Variants in MKX observed in about 807,000 individuals in gnomAD.
MKX encodes homeobox protein Mohawk.
MKX carries 13 observed loss-of-function variants against 36.0 expected under a neutral mutation model. The observed-to-expected ratio is 0.36, with a 90% CI of 0.24 to 0.57. The LOEUF (loss-of-function observed/expected upper bound fraction) is 0.57, where lower values mean the gene tolerates loss of function less well. Ranked by LOEUF, MKX falls within the 20% of genes least tolerant of loss-of-function variation. The probability of loss-of-function intolerance (pLI) is 0.79; values close to 1 mark genes in which losing one functional copy is unlikely to be tolerated. For missense variants in MKX, 458 were observed against 456.4 expected (o/e 1.00, Z -0.03); for synonymous variants, 176 against 178.3 (o/e 0.99, Z 0.10).
At chr10:27,711,481 TTCTC>T (rs1439624521) in intron 5 of MKX, among the ~76,000 whole-genome samples, 2 of 17,682 alleles carry the variant, frequency 1.1e-4, no homozygotes, top group Non-Finnish European at 1.9e-4. Flanking sequence ...CTTTCTTTCT[TTCTC>T]TCTCTCTCTC....
intron 5 of MKX, among the ~76,000 whole-genome samples, chr10:27,729,642 T>C (rs1157938412): frequency 6.6e-6 from 1 of 152,076 alleles, no homozygotes; most frequent in African/African-American, 2.4e-5. Context: ...ATCTGTGATC[T>C]GTGAAAGGGA....
intron 5 of MKX, among the ~76,000 whole-genome samples, chr10:27,705,185 G>T (rs1194127387): frequency 1.3e-5 from 2 of 152,058 alleles, no homozygotes; most frequent in Non-Finnish European, 2.9e-5. Context: ...ATCCTTAGTT[G>T]AGTGCAAACA....
intron 5 of MKX, among the ~76,000 whole-genome samples, chr10:27,678,709 G>A (rs557956878): frequency 2.0e-4 from 30 of 152,324 alleles, no homozygotes; most frequent in Non-Finnish European, 1.3e-4. Flanking sequence ...GGTCCACGGA[G>A]AGCTTCTATT....
At chr10:27,686,964 A>G (rs1236606639) in intron 5 of MKX, among the ~76,000 whole-genome samples, 1 of 151,274 alleles carries the variant, frequency 6.6e-6, no homozygotes, top group African/African-American at 2.4e-5. Flanking sequence ...TAGTCCCCCC[A>G]ACTAGCTCCT....
rs1450873258 is a variant in MKX, at chr10:27,735,161, T to C, written c.502+60A>G. On this transcript the variant is annotated intron_variant, in intron 4 of 6. Transcript: ENST00000419761. ...GTGAGAGCAACCTTAAAAATAGCAA[T>C]TATGGTGAACTTGCTAATAGAGGCA... is the stretch of plus-strand genomic sequence containing the variant. 4 of 1,443,054 alleles carry C rather than the reference T, an allele frequency of 2.8e-6. No homozygotes were observed. The African/African-American group carries it at 4.3e-5, about 16-fold the overall frequency. 89.4% of individuals were successfully genotyped at this position (1,443,054 alleles called of 1,614,324 possible). A position where few individuals can be genotyped will look rare whatever the true frequency, so the allele number is the denominator to read the frequency against.
chr10:27,741,384 C>T lies in MKX; in HGVS notation c.309G>A (p.Lys103=), dbSNP rs1021474919. ...TCTGCGAGCCGAGGGCCAAGAGTAT[C>T]TTCTCGGTCTTGGTGGGGTACGGGT... ...RDNPYPTKTE[K]ILLALGSQMT... is the part of the protein sequence containing the mutation. Residue 103 remains lysine, a synonymous_variant, in exon 3 of 7, where the codon AAG becomes AAA. Transcript: ENST00000419761. This position sits in a 1 kb window ranked among gnomAD's most constrained non-coding sequence, Gnocchi z 5.1. 5.6e-6 allele frequency: 9 copies of T among 1,613,456 alleles called. No individual in the cohort carries two copies. The highest frequency in any genetic ancestry group is 7.6e-6 in the Non-Finnish European group (9 of 1,179,704).
chr10:27,700,556 AC>A (rs1269405981), intron 5 of MKX, among the ~76,000 whole-genome samples: 1 of 152,152 alleles, frequency 6.6e-6, no homozygotes, highest in Non-Finnish European at 1.5e-5. Flanking sequence ...GTTCCTCATT[AC>A]CCAAGAATCG....
intron 3 of MKX, among the ~76,000 whole-genome samples, chr10:27,737,300 T>C (rs1834801416): frequency 6.6e-6 from 1 of 152,176 alleles, no homozygotes; most frequent in Non-Finnish European, 1.5e-5. Context: ...TCCATTCTGT[T>C]CTCTTAAATG....
At chr10:27,739,742 T>C (rs2132651257) in intron 3 of MKX, among the ~76,000 whole-genome samples, 1 of 152,312 alleles carries the variant, frequency 6.6e-6, no homozygotes, top group East Asian at 1.9e-4. Context: ...GAATAGTCTC[T>C]ATTAAATATG....
chr10:27,713,444 C>T (rs979775190), intron 5 of MKX, among the ~76,000 whole-genome samples: 2 of 152,052 alleles, frequency 1.3e-5, no homozygotes, highest in African/African-American at 2.4e-5. Context: ...AGTTCTATTC[C>T]GTAAATGATT....
chr10:27,714,267 A>C (rs1836924651), intron 5 of MKX, among the ~76,000 whole-genome samples: 1 of 152,166 alleles, frequency 6.6e-6, no homozygotes, highest in African/African-American at 2.4e-5. Context: ...ATGTATGTAG[A>C]GCAGCTTGGA....
At chr10:27,706,981 A>G (rs1402329987) in intron 5 of MKX, among the ~76,000 whole-genome samples, 1 of 152,206 alleles carries the variant, frequency 6.6e-6, no homozygotes, top group East Asian at 1.9e-4. Context: ...CATCTACCAC[A>G]AAGCACTGTT....
chr10:27,678,438 C>A (rs763584467), intron 5 of MKX, among the ~76,000 whole-genome samples: 1 of 152,176 alleles, frequency 6.6e-6, no homozygotes, highest in African/African-American at 2.4e-5. Context: ...GCTTAAATAA[C>A]GTTAGGGAAA....
At chr10:27,690,099 G>A (rs1272230604) in intron 5 of MKX, among the ~76,000 whole-genome samples, 3 of 152,220 alleles carry the variant, frequency 2.0e-5, no homozygotes, top group Non-Finnish European at 4.4e-5. Context: ...TCAGCCGGGT[G>A]TGGCGGCTCA....
chr10:27,719,217 T>A (rs1834316795), intron 5 of MKX, among the ~76,000 whole-genome samples: 1 of 152,156 alleles, frequency 6.6e-6, no homozygotes, highest in African/African-American at 2.4e-5. Context: ...ACATATGGCA[T>A]CAAGTTGGTG....
intron 5 of MKX, among the ~76,000 whole-genome samples, chr10:27,717,859 A>G (rs1331147929): frequency 6.6e-6 from 1 of 152,238 alleles, no homozygotes; most frequent in Non-Finnish European, 1.5e-5. Context: ...ATGCAGCATA[A>G]CAGGGACTGC....
intron 5 of MKX, among the ~76,000 whole-genome samples, chr10:27,678,471 G>A (rs1266431382): frequency 6.6e-6 from 1 of 152,192 alleles, no homozygotes; most frequent in East Asian, 1.9e-4. Flanking sequence ...ATTTAGAGAA[G>A]ACTATGTAAC....
At position 27,722,416 on chromosome 10, in the gene MKX, G is replaced by T. The variant is rs573032542; in HGVS notation, c.838+12040C>A. On this transcript the variant is annotated intron_variant, in intron 5 of 6. Transcript: ENST00000419761. ...ACTGTGGGCTTCCTTGTCTCTCTGT[G>T]CATTGCACAGAATTGCATGCTGTCA... is the stretch of plus-strand genomic sequence containing the variant. Among the ~76,000 whole-genome samples, 8 of 152,324 alleles carry T rather than the reference G, an allele frequency of 5.3e-5. No individual in the cohort carries two copies. The East Asian group carries it at 1.3e-3, about 26-fold the overall frequency.
chr10:27,724,756 TACACACAC>T lies in MKX; in HGVS notation c.838+9692_838+9699del, dbSNP rs55968845. Among the ~76,000 whole-genome samples, 8 of 141,400 alleles carry T rather than the reference TACACACAC, an allele frequency of 5.7e-5. No individual in the cohort carries two copies. The South Asian group carries it at 1.4e-3, about 25-fold the overall frequency. 92.8% of individuals were successfully genotyped at this position (141,400 alleles called of 152,430 possible). ...GATTTCTATTACTGCTACTACTACC[TACACACAC>T]ACACACACACACACACACACACACA... On this transcript the variant is annotated intron_variant, in intron 5 of 6. Coordinates refer to ENST00000419761, the MANE Select transcript of MKX (RefSeq NM_173576.3).
Sources: allele counts gnomAD v4.1 joint callset (sites outside exome capture counted in the v4.1 genomes callset), GRCh38; gene constraint gnomAD v4.1.1; non-coding constraint Gnocchi (gnomAD v3.1); transcripts MANE v1.5; gene names NCBI Gene and HGNC (gene_info 2026-07-23, HGNC 2026-07-21).